The following SSPN variants were observed in gnomAD, a reference collection of about 807,000 sequenced individuals.
The protein encoded by SSPN is K-ras oncogene-associated protein.
SSPN carries 15 observed loss-of-function variants against 19.1 expected under a neutral mutation model. The ratio of observed to expected loss-of-function variants is 0.78; its 90% CI spans 0.52 to 1.21. The LOEUF (loss-of-function observed/expected upper bound fraction) is 1.21, where lower values mean the gene tolerates loss of function less well. SSPN is among the 50% of genes most tolerant of loss of function. SSPN has a pLI of 0.00. For missense variants in SSPN, 291 were observed against 314.0 expected (o/e 0.93, Z 0.55); for synonymous variants, 147 against 140.3 (o/e 1.05, Z -0.34).
In SSPN at chr12:26,146,818, T is replaced by TAAAAAAAAAA. The variant is rs770083050; in HGVS notation, c.-31+24669_-31+24678dup. The stretch of plus-strand genomic sequence containing the variant: ...GCCTGGGCGACAGAGCAAGGCTGTC[T>TAAAAAAAAAA]AAAAAAAAAAAAGAAAGAAATCATT... On this transcript the variant is annotated intron_variant, in intron 1 of 2. Coordinates refer to the SSPN transcript ENST00000538142. Among the ~76,000 whole-genome samples, 182 of 105,174 alleles carry TAAAAAAAAAA rather than the reference T, an allele frequency of 1.7e-3. 11 individuals carry two copies. The highest frequency in any genetic ancestry group is 5.3e-3 in the Middle Eastern group (1 of 190). 69.0% of individuals were successfully genotyped at this position (105,174 alleles called of 152,430 possible). A position where few individuals can be genotyped will look rare whatever the true frequency, so the allele number is the denominator to read the frequency against.
At chr12:26,168,081 C>T (rs892791872) in intron 1 of SSPN, among the ~76,000 whole-genome samples, 3 of 151,690 alleles carry the variant, frequency 2.0e-5, no homozygotes, top group Non-Finnish European at 4.4e-5. Context: ...GATGTGATGG[C>T]GCAGGCTTGC....
rs1944819049 is a variant in SSPN, at chr12:26,195,595, C to A, written c.-78C>A. The A allele has an allele frequency of 1.5e-6, 2 of 1,336,662 alleles. No individual in the cohort carries two copies. Among genetic ancestry groups the A allele is most frequent in the African/African-American group, 1.5e-5 (1 of 64,750 alleles). 82.8% of individuals were successfully genotyped at this position (1,336,662 alleles called of 1,614,324 possible). On this transcript the variant is annotated 5_prime_UTR_variant, in exon 1 of 3. Transcript: ENST00000242729. ...TCCATAATTCGAATACCAGGGCAGGCCGAGCCAGCCGTGCGCCGCGCTCCA... is the reference window on the plus strand; with the variant it reads ...TCCATAATTCGAATACCAGGGCAGGACGAGCCAGCCGTGCGCCGCGCTCCA...
chr12:26,215,046 CCCTTGGCAATACATT>C (rs1259655084), intron 1 of SSPN, among the ~76,000 whole-genome samples: 1 of 152,148 alleles, frequency 6.6e-6, no homozygotes, highest in Non-Finnish European at 1.5e-5. Flanking sequence ...AATGACATTA[CCCTTGGCAATACATT>C]TTCCTGTGCC....
chr12:26,181,397 T>G (rs1944718011), intron 1 of SSPN: 1 of 152,198 alleles, frequency 6.6e-6, no homozygotes, highest in Non-Finnish European at 1.5e-5. Context: ...AACTTTCTGA[T>G]TGTTGAAGGG....
chr12:26,190,780 A>G (rs1194323852), upstream of SSPN, among the ~76,000 whole-genome samples: 1 of 152,166 alleles, frequency 6.6e-6, no homozygotes, highest in Non-Finnish European at 1.5e-5. Context: ...AAAAATTGAG[A>G]TGTCATTGTA....
chr12:26,124,380 C>G (rs1944343815), intron 1 of SSPN: 1 of 975,330 alleles, frequency 1.0e-6, no homozygotes, highest in Non-Finnish European at 1.6e-6. Flanking sequence ...CCTGAGAGTA[C>G]CCAGCAAGCC....
At chr12:26,224,431 G>A (rs1361251532) in intron 2 of SSPN, 52 bp downstream of exon 2, 1 of 1,478,956 alleles carries the variant, frequency 6.8e-7, no homozygotes, top group Admixed American at 1.7e-5. Context: ...AGAAATCCAA[G>A]TACAAAATAA....
At chr12:26,161,023 G>A (rs536709777) in intron 1 of SSPN, among the ~76,000 whole-genome samples, 2 of 148,316 alleles carry the variant, frequency 1.3e-5, no homozygotes, top group African/African-American at 2.5e-5. Flanking sequence ...CAGGAGAATC[G>A]TTTGAACCCA....
chr12:26,198,175 GT>G (rs147677931), intron 1 of SSPN, among the ~76,000 whole-genome samples: 17,686 of 151,398 alleles, frequency 0.12, 1,265 homozygotes, highest in Non-Finnish European at 0.17. Flanking sequence ...TTGGGGGGGG[GT>G]TTTTGGAGAC....
rs558448961 is a variant in SSPN, at chr12:26,143,881, A to C, written c.-31+21729A>C. Among the ~76,000 whole-genome samples, 14 of 152,222 alleles carry C rather than the reference A, an allele frequency of 9.2e-5. No individual in the cohort carries two copies. The South Asian group carries it at 2.9e-3, about 32-fold the overall frequency. On this transcript the variant is annotated intron_variant, in intron 1 of 2. Transcript: ENST00000538142. ...GATTCTCAGGGGAGTGCAAAACCCT[A>C]TTGTGAACTGCGCATGTGAGGGATC... is the stretch of plus-strand genomic sequence containing the variant.
intron 1 of SSPN, among the ~76,000 whole-genome samples, chr12:26,212,050 A>G (rs1008932737): frequency 6.6e-6 from 1 of 152,204 alleles, no homozygotes; most frequent in Admixed American, 6.5e-5. Flanking sequence ...AAATTTTCTT[A>G]AGAAAATTGC....
At chr12:26,195,161 G>C (rs1591872793), upstream of SSPN, among the ~76,000 whole-genome samples, 1 of 152,322 alleles carries the variant, frequency 6.6e-6, no homozygotes, top group South Asian at 2.1e-4. Context: ...AAGTAACAAC[G>C]ACTTAACTTC....
chr12:26,126,436 C>A (rs910064681), intron 1 of SSPN: 12 of 152,218 alleles, frequency 7.9e-5, no homozygotes, highest in Non-Finnish European at 1.6e-4. Context: ...TTGATTATTG[C>A]CGGTGATAAG....
At chr12:26,137,705 C>G (rs1288242240) in intron 1 of SSPN, among the ~76,000 whole-genome samples, 1 of 100,490 alleles carries the variant, frequency 1.0e-5, no homozygotes, top group Non-Finnish European at 1.9e-5. Context: ...TGCTCTGTTG[C>G]CTAGGCTGGA....
Position 26,231,200 on chromosome 12 carries a change from A to AT in SSPN, c.*129dup. The stretch of plus-strand genomic sequence containing the variant: ...ATAAAAGTCACTCTTCTAATTGAAT[A>AT]TTTTTATATTTTTATGAAACAAAAG... On this transcript the variant is annotated 3_prime_UTR_variant, in exon 3 of 3. Coordinates refer to ENST00000242729, the MANE Select transcript of SSPN (RefSeq NM_005086.5). 2 of 1,260,578 alleles carry AT rather than the reference A, an allele frequency of 1.6e-6. No individual in the cohort carries two copies. Among genetic ancestry groups the AT allele is most frequent in the Non-Finnish European group, 2.1e-6 (2 of 956,068 alleles). 78.1% of individuals were successfully genotyped at this position (1,260,578 alleles called of 1,614,324 possible).
chr12:26,176,663 G>A (rs1043470113), intron 1 of SSPN, among the ~76,000 whole-genome samples: 1 of 152,120 alleles, frequency 6.6e-6, no homozygotes, highest in Non-Finnish European at 1.5e-5. Flanking sequence ...AAAAATAGTT[G>A]AGATTTACAT....
chr12:26,204,259 C>T lies in SSPN; in HGVS notation c.279+8308C>T, dbSNP rs111239650. On this transcript the variant is annotated intron_variant, in intron 1 of 2. Coordinates refer to ENST00000242729, the MANE Select transcript of SSPN (RefSeq NM_005086.5). ...GAGGTACGATGGGGTGGCGCGGCTCCGTGCTCATGCCAGTAGTGAGACATA... is the reference window on the plus strand; with the variant it reads ...GAGGTACGATGGGGTGGCGCGGCTCTGTGCTCATGCCAGTAGTGAGACATA... Among the ~76,000 whole-genome samples the T allele has an allele frequency of 3.5e-3, 526 of 152,230 alleles. 3 individuals are homozygous for T. Among genetic ancestry groups the T allele is most frequent in the African/African-American group, 0.012 (485 of 41,550 alleles).
rs80098166 is a variant in SSPN, at chr12:26,228,667, C to A, written c.367-2044C>A. ...GCTACGATGGGTACACACACACACA[C>A]ACACACAGAACATGGTCAAGACAGT... On this transcript the variant is annotated intron_variant, in intron 2 of 2. Coordinates refer to ENST00000242729, the MANE Select transcript of SSPN (RefSeq NM_005086.5). 7.7e-3 allele frequency among the ~76,000 whole-genome samples: 1,165 copies of A among 151,986 alleles called. 12 individuals are homozygous for A. Among genetic ancestry groups the A allele is most frequent in the African/African-American group, 0.026 (1,079 of 41,464 alleles).
At chr12:26,131,017 A>G (rs11048415) in intron 1 of SSPN, among the ~76,000 whole-genome samples, 21,263 of 152,176 alleles carry the variant, frequency 0.14, 3,399 homozygotes, top group African/African-American at 0.39. Context: ...GTAAAGGGGA[A>G]GTGGAGACTA....
Sources: gnomAD v4.1 joint callset for allele counts (sites outside exome capture counted in the v4.1 genomes callset) on GRCh38, gnomAD v4.1.1 for gene constraint, MANE v1.5 for transcripts, NCBI Gene and HGNC (gene_info 2026-07-23, HGNC 2026-07-21) for gene names.